Variants in KIF21A observed in about 807,000 individuals in gnomAD.
KIF21A encodes kinesin family member 21A, also known as kinesin-like protein KIF21A.
Under a neutral mutation model 202.9 loss-of-function variants are expected in KIF21A, and 114 were observed. The ratio of observed to expected loss-of-function variants is 0.56; its 90% CI spans 0.48 to 0.66. The LOEUF (loss-of-function observed/expected upper bound fraction) is 0.66, where lower values mean the gene tolerates loss of function less well. KIF21A is among the 30% of genes least tolerant of loss of function. The pLI is 0.00. For synonymous variants in KIF21A, 667 were observed against 670.8 expected, an observed-to-expected ratio of 0.99 and a Z score of 0.09; for missense variants, 1,677 against 1,994.9, an observed-to-expected ratio of 0.84 and a Z score of 3.04.
At position 39,427,468 on chromosome 12, in the gene KIF21A, G is replaced by A. The variant is rs113498959; in HGVS notation, c.44+15459C>T. On this transcript the variant is annotated intron_variant, in intron 1 of 37. Coordinates refer to ENST00000361418, the MANE Select transcript of KIF21A (RefSeq NM_001173464.2). ...TTTTTCACAGGGTTACTTTTACACC[G>A]CTACTACCTCAAAGGAAGTCAGTGA... 2.7e-3 allele frequency among the ~76,000 whole-genome samples: 415 copies of A among 152,220 alleles called. 3 individuals carry two copies. Among genetic ancestry groups the A allele is most frequent in the African/African-American group, 8.9e-3 (369 of 41,522 alleles).
intron 16 of KIF21A, among the ~76,000 whole-genome samples, chr12:39,339,832 T>G (rs1274722595): frequency 6.6e-6 from 1 of 152,254 alleles, no homozygotes; most frequent in African/African-American, 2.4e-5. Flanking sequence ...TAAACTAGAC[T>G]GTGGATACAG....
rs758234939 is a variant in KIF21A at position 39,303,054 on chromosome 12, C to CCA, written c.4641_4642insTG (p.Ala1548TrpfsTer3). On this transcript the variant is annotated frameshift_variant, in exon 36 of 38. Transcript: ENST00000361418. LOFTEE classifies it high-confidence loss of function. ...AGGTTATCCCCTTGAATGGTTAGTG[C>CCA]TTCTATGCCATCATAATGAGGGGGT... 6.2e-7 allele frequency: 1 copy of CCA among 1,613,740 alleles called. No homozygotes were observed. The highest frequency in any genetic ancestry group is 1.1e-5 in the South Asian group (1 of 91,070).
Position 39,331,885 on chromosome 12 carries a change from G to A in KIF21A, c.3052-94C>T, listed in dbSNP as rs965794288. ...TTCACATATTTATTTCCTAGTATTG[G>A]GTTAGCTAATGAGATGCTCAGATAA... is the stretch of plus-strand genomic sequence containing the variant. On this transcript the variant is annotated intron_variant, in intron 21 of 37. Coordinates refer to ENST00000361418, the MANE Select transcript of KIF21A (RefSeq NM_001173464.2). 3.1e-6 allele frequency: 3 copies of A among 964,836 alleles called. No homozygotes were observed. In the South Asian group the frequency reaches 3.9e-5, roughly 13 times the overall value. 59.8% of individuals were successfully genotyped at this position (964,836 alleles called of 1,614,324 possible).
At chr12:39,296,312 G>T (rs187820144) in intron 37 of KIF21A, among the ~76,000 whole-genome samples, 1 of 151,688 alleles carries the variant, frequency 6.6e-6, no homozygotes, top group East Asian at 2.0e-4. Context: ...CTCATGACCC[G>T]CCTGCCTCGG....
chr12:39,360,825 A>G (rs542344727), intron 7 of KIF21A, among the ~76,000 whole-genome samples: 2 of 152,364 alleles, frequency 1.3e-5, no homozygotes, highest in African/African-American at 4.8e-5. Context: ...AAGACACTAA[A>G]TTATGCACAT....
At chr12:39,394,550 A>C (rs958230419) in intron 1 of KIF21A, among the ~76,000 whole-genome samples, 7 of 152,348 alleles carry the variant, frequency 4.6e-5, no homozygotes, top group South Asian at 2.1e-4. Flanking sequence ...AATTAGTTAC[A>C]ATCTCAAGAC....
At chr12:39,346,561 C>G in intron 11 of KIF21A, 57 bp from the exon 12 acceptor site, 1 of 1,228,624 alleles carries the variant, frequency 8.1e-7, no homozygotes, top group Non-Finnish European at 1.1e-6. Flanking sequence ...ACAAACCAGA[C>G]AGTAAAAAGC....
At chr12:39,360,273 T>C (rs1420366154) in intron 7 of KIF21A, among the ~76,000 whole-genome samples, 3 of 152,146 alleles carry the variant, frequency 2.0e-5, no homozygotes, top group Non-Finnish European at 4.4e-5. Flanking sequence ...TAAAGAGAAC[T>C]ATATCACTTA....
At chr12:39,355,055 G>C (rs1003908581) in intron 10 of KIF21A, among the ~76,000 whole-genome samples, 1 of 152,076 alleles carries the variant, frequency 6.6e-6, no homozygotes, top group African/African-American at 2.4e-5. Flanking sequence ...CTTCTAGAAG[G>C]CTACTCCCCA....
Position 39,318,150 on chromosome 12 carries a change from T to G in KIF21A, c.3831A>C (p.Pro1277=). 1 of 1,613,508 alleles carries G rather than the reference T, an allele frequency of 6.2e-7. No homozygotes were observed. The highest frequency in any genetic ancestry group is 8.5e-7 in the Non-Finnish European group (1 of 1,179,590). ...EASLSPPSSP[P]SRPRNELNVF... is the part of the protein sequence containing the mutation. ...CATTCAGTTCATTACGGGGCCGGCT[T>G]GGTGGGGAAGAAGGAGGTGAAAGAC... The change falls in exon 29 of 38, where the codon CCA becomes CCC. Residue 1277 remains proline, a synonymous_variant. Transcript: ENST00000361418.
At chr12:39,416,706 TATATGTGTGTATATATGTA>T (rs1953693528) in intron 1 of KIF21A, among the ~76,000 whole-genome samples, 1 of 91,666 alleles carries the variant, frequency 1.1e-5, no homozygotes, top group African/African-American at 6.7e-5. Flanking sequence ...TATGTACATA[TATATGTGTGTATATATGTA>T]CATATATATG....
At chr12:39,429,438 T>A (rs1287053261) in intron 1 of KIF21A, among the ~76,000 whole-genome samples, 1 of 152,150 alleles carries the variant, frequency 6.6e-6, no homozygotes, top group Non-Finnish European at 1.5e-5. Context: ...CAAATATAAA[T>A]GCACTATTAT....
In KIF21A at chr12:39,307,713, T is replaced by A; in HGVS notation, c.4294A>T (p.Thr1432Ser). 6.2e-7 allele frequency: 1 copy of A among 1,613,852 alleles called. No homozygotes were observed. Among genetic ancestry groups the A allele is most frequent in the South Asian group, 1.1e-5 (1 of 91,082 alleles). The change falls in exon 34 of 38, where the codon ACT becomes TCT. Residue 1432 changes from threonine to serine, a missense_variant. Transcript: ENST00000361418. The stretch of plus-strand genomic sequence containing the variant: ...CTTGCAGAACAAGCATCTCCAAGAG[T>A]AACTTGACCTGAAGACCTTAAGAGA... ...IRTLTSSGQV[T>S]LGDACSASTS...
intron 23 of KIF21A, 73 bp downstream of exon 23, chr12:39,330,673 G>A (rs1946432246): frequency 1.6e-6 from 2 of 1,277,134 alleles, no homozygotes; most frequent in African/African-American, 2.9e-5. Context: ...TAGGGGAAAG[G>A]GATATACTAT....
chr12:39,418,155 T>C (rs1463763560), intron 1 of KIF21A, among the ~76,000 whole-genome samples: 1 of 150,916 alleles, frequency 6.6e-6, no homozygotes, highest in East Asian at 2.0e-4. Context: ...GATTGCACCA[T>C]TGCATTCCAG....
At chr12:39,355,461 C>T (rs10876886) in intron 10 of KIF21A, among the ~76,000 whole-genome samples, 61 of 151,530 alleles carry the variant, frequency 4.0e-4, no homozygotes, top group Non-Finnish European at 7.7e-4. Flanking sequence ...AGAAAAGAGA[C>T]GCAGCCTAAG....
chr12:39,414,810 G>A (rs780648262), intron 1 of KIF21A, among the ~76,000 whole-genome samples: 45 of 152,074 alleles, frequency 3.0e-4, no homozygotes, highest in Admixed American at 9.2e-4. Flanking sequence ...AAGGACTCAC[G>A]AATTAGTCAC....
intron 6 of KIF21A, among the ~76,000 whole-genome samples, chr12:39,364,725 T>C (rs1949485931): frequency 6.6e-6 from 1 of 152,212 alleles, no homozygotes; most frequent in South Asian, 2.1e-4. Flanking sequence ...CCACTCCATC[T>C]TGCCTTTAAT....
chr12:39,428,114 T>C (rs1438961841), intron 1 of KIF21A, among the ~76,000 whole-genome samples: 1 of 152,232 alleles, frequency 6.6e-6, no homozygotes, highest in Non-Finnish European at 1.5e-5. Context: ...GTGTTCATTA[T>C]CCTAATAGCT....
Sources: allele counts gnomAD v4.1 joint callset (sites outside exome capture counted in the v4.1 genomes callset), GRCh38; gene constraint gnomAD v4.1.1; transcripts MANE v1.5; gene names NCBI Gene and HGNC (gene_info 2026-07-23, HGNC 2026-07-21).